The following CGNL1 variants were observed in gnomAD, a reference collection of about 807,000 sequenced individuals.
CGNL1 encodes the protein cingulin-like protein 1.
Under a neutral mutation model 141.2 loss-of-function variants are expected in CGNL1, and 132 were observed. The ratio of observed to expected loss-of-function variants is 0.93; its 90% CI spans 0.81 to 1.08. The LOEUF (loss-of-function observed/expected upper bound fraction) is 1.08. Among genes scored for constraint, CGNL1 ranks in the 50% least tolerant of loss-of-function variants. CGNL1 has a pLI of 0.00. For synonymous variants in CGNL1, 690 were observed against 622.1 expected (o/e 1.11, Z -1.63); for missense variants, 1,870 against 1,588.6 (o/e 1.18, Z -3.01).
At chr15:57,519,951 A>G (rs2140117128) in intron 10 of CGNL1, among the ~76,000 whole-genome samples, 1 of 152,342 alleles carries the variant, frequency 6.6e-6, no homozygotes, top group Middle Eastern at 3.4e-3. Context: ...AATTCAGTGC[A>G]CAGAACAGGT....
At chr15:57,502,255 T>A (rs891163770) in intron 8 of CGNL1, among the ~76,000 whole-genome samples, 11 of 152,158 alleles carry the variant, frequency 7.2e-5, no homozygotes, top group Middle Eastern at 3.2e-3. Context: ...CATCCTCAGT[T>A]GGTCTCAGTG....
intron 1 of CGNL1, among the ~76,000 whole-genome samples, chr15:57,430,976 C>A (rs2063038099): frequency 6.6e-6 from 1 of 152,206 alleles, no homozygotes; most frequent in Non-Finnish European, 1.5e-5. Flanking sequence ...CCTGCCTCAG[C>A]CTCCCAAAGT....
At position 57,467,534 on chromosome 15, in the gene CGNL1, C is replaced by T. The variant is rs562501636; in HGVS notation, c.2403+5642C>T. Among the ~76,000 whole-genome samples, 106 of 152,030 alleles carry T rather than the reference C, an allele frequency of 7.0e-4. 1 individual carries two copies. Among genetic ancestry groups the T allele is most frequent in the African/African-American group, 2.3e-3 (94 of 41,466 alleles). On this transcript the variant is annotated intron_variant, in intron 8 of 18. Transcript: ENST00000281282. ...GGGTGCAGAGATCCAATGAGTGGAC[C>T]GTGCTCGGATCCCAACTGAAACAAA...
intron 1 of CGNL1, 77 bp from the exon 2 acceptor site, chr15:57,437,908 C>T (rs2063126396): frequency 4.6e-6 from 6 of 1,303,550 alleles, no homozygotes; most frequent in Non-Finnish European, 6.3e-6. Context: ...TTTCCCCTTC[C>T]TAATTATTTC....
At chr15:57,510,956 A>G (rs571688779) in intron 8 of CGNL1, among the ~76,000 whole-genome samples, 92 of 152,326 alleles carry the variant, frequency 6.0e-4, no homozygotes, top group Non-Finnish European at 1.1e-3. Context: ...ACCCATGAAA[A>G]GACAAAGGAA....
At chr15:57,508,189 TC>T (rs2064130170) in intron 8 of CGNL1, among the ~76,000 whole-genome samples, 2 of 66,224 alleles carry the variant, frequency 3.0e-5, no homozygotes, top group African/African-American at 5.8e-5. Context: ...CCCTCCACCC[TC>T]CCCCCGCCCC....
intron 17 of CGNL1, 52 bp from the exon 18 acceptor site, chr15:57,546,024 G>A (rs8035822): frequency 0.15 from 235,877 of 1,575,754 alleles, 24,706 homozygotes; most frequent in African/African-American, 0.41. Context: ...TAAGCTGAGC[G>A]CTGGGGCTGG....
In CGNL1 at chr15:57,491,906, C is replaced by T. The variant is rs192855203; in HGVS notation, c.2404-24874C>T. On this transcript the variant is annotated intron_variant, in intron 8 of 18. Coordinates refer to ENST00000281282, the MANE Select transcript of CGNL1 (RefSeq NM_032866.5). ...CATACCTGGCCCAGTATATGTAACT[C>T]CTGAAACTGTTACGGTCATCAAAAC... 5.1e-4 allele frequency among the ~76,000 whole-genome samples: 77 copies of T among 152,242 alleles called. 1 individual carries two copies. Among genetic ancestry groups the T allele is most frequent in the Admixed American group, 4.3e-3 (66 of 15,292 alleles).
intron 1 of CGNL1, among the ~76,000 whole-genome samples, chr15:57,386,932 C>T (rs918447132): frequency 3.3e-5 from 5 of 152,110 alleles, no homozygotes; most frequent in African/African-American, 9.7e-5. Context: ...TGGCAAAATA[C>T]AGCATAAAAT....
rs74016283 is a variant in CGNL1 at position 57,543,873 on chromosome 15, C to T, written c.3375+94C>T. The stretch of plus-strand genomic sequence containing the variant: ...AACTAGAAGCCCTTGGAGGTCCCTC[C>T]TTTACTTGGCATCCCAAGAACTCTG... On this transcript the variant is annotated intron_variant, in intron 15 of 18. Transcript: ENST00000281282. 2.1e-3 allele frequency: 1,862 copies of T among 872,174 alleles called. 21 individuals carry two copies. In the African/African-American group the frequency reaches 0.029, roughly 14 times the overall value. The allele number at this position is 872,174 out of a possible 1,614,324, so 54.0% of individuals were successfully genotyped here.
chr15:57,525,847 CA>C (rs1205665423), intron 12 of CGNL1, among the ~76,000 whole-genome samples: 1 of 151,478 alleles, frequency 6.6e-6, no homozygotes, highest in Non-Finnish European at 1.5e-5. Flanking sequence ...TCCAAGTAAG[CA>C]GTGAAATTAG....
intron 7 of CGNL1, among the ~76,000 whole-genome samples, chr15:57,455,756 T>A (rs2063371624): frequency 1.3e-5 from 2 of 152,222 alleles, no homozygotes; most frequent in Admixed American, 6.5e-5. Context: ...ATACTGCATA[T>A]CTATTAACTG....
Position 57,544,475 on chromosome 15 carries a change from C to G in CGNL1, c.3378C>G (p.Asn1126Lys), listed in dbSNP as rs779967126. The part of the protein sequence containing the change: ...ECDKISLERQ[N>K]KDLKSRIIHL... ...ACAGTCTCCCTGTGTTGTTCCAGAA[C>G]AAGGACTTAAAGAGCCGGATTATCC... The change falls in exon 16 of 19, where the codon AAC becomes AAG. Residue 1126 changes from asparagine (N) to lysine (K), a missense_variant and splice_region_variant. Asn to Lys is a moderately conservative substitution (Grantham distance 94). Transcript: ENST00000281282. The G allele has an allele frequency of 1.2e-6, 2 of 1,614,108 alleles. No individual in the cohort carries two copies. The highest frequency in any genetic ancestry group is 1.7e-6 in the Non-Finnish European group (2 of 1,180,004).
chr15:57,471,432 C>T (rs1345673629), intron 8 of CGNL1, among the ~76,000 whole-genome samples: 10 of 152,194 alleles, frequency 6.6e-5, no homozygotes, highest in Non-Finnish European at 1.2e-4. Context: ...TTTAAGCAGG[C>T]TGGCATTTTC....
At chr15:57,415,840 C>T (rs1278347049) in intron 1 of CGNL1, among the ~76,000 whole-genome samples, 7 of 152,236 alleles carry the variant, frequency 4.6e-5, no homozygotes, top group Admixed American at 4.6e-4. Flanking sequence ...CTTTGGGCTC[C>T]TTCTGTAGTA....
intron 1 of CGNL1, among the ~76,000 whole-genome samples, chr15:57,383,551 G>T (rs1171322166): frequency 6.6e-6 from 1 of 151,788 alleles, no homozygotes; most frequent in Non-Finnish European, 1.5e-5. Context: ...GCCTGCCTCA[G>T]CCTCCCAAAG....
At chr15:57,453,584 T>G in intron 6 of CGNL1, 99 bp from the exon 7 acceptor site, 1 of 1,484,444 alleles carries the variant, frequency 6.7e-7, no homozygotes, top group Admixed American at 2.0e-5. Context: ...TCCTTGGGGC[T>G]TTAGAGACTT....
At chr15:57,493,475 C>T (rs780249620) in intron 8 of CGNL1, among the ~76,000 whole-genome samples, 6 of 152,060 alleles carry the variant, frequency 3.9e-5, no homozygotes, top group African/African-American at 1.4e-4. Context: ...CAGAGACAGC[C>T]CAAGTACAAT....
In CGNL1 at chr15:57,442,182, G is replaced by GGAAAAAAAAAAA. The variant is rs1491455852; in HGVS notation, c.1698-191_1698-190insGAAAAAAAAAAA. Among the ~76,000 whole-genome samples the GGAAAAAAAAAAA allele has an allele frequency of 3.9e-4, 38 of 96,496 alleles. 1 individual carries two copies. The highest frequency in any genetic ancestry group is 3.6e-3 in the East Asian group (10 of 2,810). 63.3% of individuals were successfully genotyped at this position (96,496 alleles called of 152,430 possible). Reference sequence around the variant, plus strand: ...TTGAGTGGTAACACATCATTTATTTGAAAAAAAAAAAAAAAAAAAAAGACA... The same window carrying GGAAAAAAAAAAA: ...TTGAGTGGTAACACATCATTTATTTGGAAAAAAAAAAAAAAAAAAAAAAAAAAAAAAAAGACA... On this transcript the variant is annotated intron_variant, in intron 3 of 18. Coordinates refer to ENST00000281282, the MANE Select transcript of CGNL1 (RefSeq NM_032866.5).
Sources: gnomAD v4.1 joint callset for allele counts (sites outside exome capture counted in the v4.1 genomes callset) on GRCh38, gnomAD v4.1.1 for gene constraint, MANE v1.5 for transcripts, NCBI Gene and HGNC (gene_info 2026-07-23, HGNC 2026-07-21) for gene names.